The following SYNPR variants were observed in gnomAD, a reference collection of about 807,000 sequenced individuals.
SYNPR encodes synaptoporin.
SYNPR carries 23 observed loss-of-function variants against 32.9 expected under a neutral mutation model. The observed-to-expected ratio is 0.70, with a 90% CI of 0.50 to 0.99. The LOEUF is 0.99. Among genes scored for constraint, SYNPR ranks in the 50% least tolerant of loss-of-function variants. The pLI is 0.00. For missense variants in SYNPR, 318 were observed against 349.3 expected, an observed-to-expected ratio of 0.91 and a Z score of 0.71; for synonymous variants, 146 against 135.9, an observed-to-expected ratio of 1.07 and a Z score of -0.52.
chr3:63,400,212 G>T (rs911420181), intron 2 of SYNPR, among the ~76,000 whole-genome samples: 1 of 152,206 alleles, frequency 6.6e-6, no homozygotes, highest in African/African-American at 2.4e-5. Context: ...AGTGAGGTAC[G>T]CCATGTTAGT....
intron 3 of SYNPR, among the ~76,000 whole-genome samples, chr3:63,514,056 A>G (rs958526034): frequency 1.3e-5 from 2 of 152,182 alleles, no homozygotes; most frequent in African/African-American, 4.8e-5. Flanking sequence ...TGCAGTGAGC[A>G]ATATCCAAAG....
chr3:63,531,222 G>A (rs766605270), intron 3 of SYNPR, among the ~76,000 whole-genome samples: 1 of 152,114 alleles, frequency 6.6e-6, no homozygotes, highest in Non-Finnish European at 1.5e-5. Context: ...CCATAACAAA[G>A]CATCACAAAC....
chr3:63,460,572 CAAAAAAAAAAAA>C (rs11390803), intron 2 of SYNPR, among the ~76,000 whole-genome samples: 3 of 45,710 alleles, frequency 6.6e-5, no homozygotes, highest in Non-Finnish European at 1.2e-4. Flanking sequence ...ATTGGTAGAC[CAAAAAAAAAAAA>C]AAAAAAAAAA....
upstream of SYNPR, among the ~76,000 whole-genome samples, chr3:63,274,000 G>T (rs531223082): frequency 1.3e-5 from 2 of 152,082 alleles, no homozygotes; most frequent in African/African-American, 4.8e-5. Context: ...ACAAATAAAC[G>T]CACAGGCATG....
At chr3:63,393,496 CTTTTTTT>C (rs71631152) in intron 2 of SYNPR, among the ~76,000 whole-genome samples, 4 of 84,504 alleles carry the variant, frequency 4.7e-5, no homozygotes, top group African/African-American at 1.1e-4. Flanking sequence ...TCTTTCTTCT[CTTTTTTT>C]TTTTTTTTTT....
chr3:63,547,052 T>A (rs1252211707), intron 3 of SYNPR, among the ~76,000 whole-genome samples: 1 of 152,122 alleles, frequency 6.6e-6, no homozygotes, highest in East Asian at 1.9e-4. Context: ...TCCACTGACC[T>A]TCCTGGAAAC....
intron 2 of SYNPR, among the ~76,000 whole-genome samples, chr3:63,414,027 G>T (rs1023113326): frequency 4.0e-5 from 6 of 151,110 alleles, no homozygotes; most frequent in South Asian, 4.2e-4. Flanking sequence ...TATATATAGA[G>T]AGAGAGAGAG....
intron 2 of SYNPR, among the ~76,000 whole-genome samples, chr3:63,290,166 T>G (rs1311721442): frequency 1.3e-5 from 2 of 151,344 alleles, no homozygotes; most frequent in African/African-American, 4.9e-5. Flanking sequence ...TATGAAAAAA[T>G]TAAGGCCTCA....
intron 3 of SYNPR, among the ~76,000 whole-genome samples, chr3:63,270,093 A>C (rs1281558753): frequency 3.3e-5 from 5 of 152,228 alleles, no homozygotes; most frequent in Admixed American, 3.3e-4. Context: ...AGAAATCTGG[A>C]CAAAGCAGAT....
At chr3:63,494,099 A>C (rs1393135140) in intron 3 of SYNPR, among the ~76,000 whole-genome samples, 1 of 151,818 alleles carries the variant, frequency 6.6e-6, no homozygotes, top group Non-Finnish European at 1.5e-5. Flanking sequence ...TTAACACAAT[A>C]AAAAATTTTT....
At chr3:63,479,128 C>A (rs923706920) in intron 2 of SYNPR, among the ~76,000 whole-genome samples, 14 of 152,072 alleles carry the variant, frequency 9.2e-5, no homozygotes, top group Non-Finnish European at 1.6e-4. Flanking sequence ...CGAAAGCTAA[C>A]AAAGTTAAAA....
chr3:63,352,898 C>G (rs572934708), intron 2 of SYNPR, among the ~76,000 whole-genome samples: 99 of 152,222 alleles, frequency 6.5e-4, no homozygotes, highest in African/African-American at 2.1e-3. Flanking sequence ...AGACCTGCCC[C>G]CATGATTCAA....
intron 2 of SYNPR, among the ~76,000 whole-genome samples, chr3:63,316,554 T>G (rs1455641765): frequency 6.6e-6 from 1 of 152,012 alleles, no homozygotes; most frequent in Non-Finnish European, 1.5e-5. Context: ...AATGATCTTT[T>G]GTATTTCAGT....
chr3:63,371,021 G>A (rs577211685), intron 2 of SYNPR, among the ~76,000 whole-genome samples: 1 of 152,194 alleles, frequency 6.6e-6, no homozygotes, highest in South Asian at 2.1e-4. Context: ...ACCTTTAACT[G>A]GAACATTCAG....
At chr3:63,600,421 A>G (rs1164429128) in intron 4 of SYNPR, among the ~76,000 whole-genome samples, 1 of 152,160 alleles carries the variant, frequency 6.6e-6, no homozygotes, top group Non-Finnish European at 1.5e-5. Flanking sequence ...AGGAGGTGGG[A>G]CAATGTAGGG....
intron 2 of SYNPR, among the ~76,000 whole-genome samples, chr3:63,388,018 G>T (rs2088077830): frequency 1.3e-5 from 2 of 152,154 alleles, no homozygotes; most frequent in Admixed American, 1.3e-4. Context: ...ATAGTCACAG[G>T]AAAGATAGCA....
intron 2 of SYNPR, among the ~76,000 whole-genome samples, chr3:63,407,405 G>A (rs2088374898): frequency 6.6e-6 from 1 of 152,162 alleles, no homozygotes. Flanking sequence ...CGAATCTGTG[G>A]ATGCTGAAAT....
intron 4 of SYNPR, among the ~76,000 whole-genome samples, chr3:63,569,107 G>A (rs1224854053): frequency 6.6e-6 from 1 of 152,088 alleles, no homozygotes; most frequent in African/African-American, 2.4e-5. Context: ...ATTTAACTCT[G>A]TTTCCCTTTG....
intron 2 of SYNPR, among the ~76,000 whole-genome samples, chr3:63,362,416 C>T (rs759093628): frequency 6.6e-6 from 1 of 152,008 alleles, no homozygotes; most frequent in Non-Finnish European, 1.5e-5. Context: ...TGACAGGCAC[C>T]ATGTTAGGAA....
Sources: gnomAD v4.1 joint callset for allele counts (sites outside exome capture counted in the v4.1 genomes callset) on GRCh38, gnomAD v4.1.1 for gene constraint, MANE v1.5 for transcripts, NCBI Gene and HGNC (gene_info 2026-07-23, HGNC 2026-07-21) for gene names.